The following WWOX variants were observed in gnomAD, a reference collection of about 807,000 sequenced individuals.
The protein encoded by WWOX is WW domain-containing oxidoreductase.
WWOX carries 69 observed loss-of-function variants against 46.2 expected under a neutral mutation model. The ratio of observed to expected loss-of-function variants is 1.49; its 90% confidence interval spans 1.23 to 1.82. The LOEUF (loss-of-function observed/expected upper bound fraction) is 1.82. Ranked by LOEUF, WWOX falls within the 40% of genes most tolerant of loss-of-function variation. The pLI is 0.00. For synonymous variants in WWOX, 359 were observed against 202.6 expected, an observed-to-expected ratio of 1.77 and a Z score of -6.56; for missense variants, 919 against 542.6, an observed-to-expected ratio of 1.69 and a Z score of -6.89.
chr16:78,960,413 T>G (rs1409075602), intron 8 of WWOX, among the ~76,000 whole-genome samples: 2 of 152,224 alleles, frequency 1.3e-5, no homozygotes, highest in African/African-American at 4.8e-5. Context: ...AGACTTGCTC[T>G]CTACCATCCT....
At chr16:79,020,874 G>C (rs1393716390) in intron 8 of WWOX, among the ~76,000 whole-genome samples, 1 of 152,128 alleles carries the variant, frequency 6.6e-6, no homozygotes. Flanking sequence ...TAAAAAGCAG[G>C]CAGCCTGCTG....
At chr16:78,302,664 C>G (rs1305382090) in intron 5 of WWOX, among the ~76,000 whole-genome samples, 11 of 152,184 alleles carry the variant, frequency 7.2e-5, no homozygotes. Flanking sequence ...CATGTGGTCT[C>G]TACTTTGCCA....
intron 5 of WWOX, among the ~76,000 whole-genome samples, chr16:78,203,787 C>G (rs2036307568): frequency 1.3e-5 from 2 of 152,198 alleles, no homozygotes; most frequent in South Asian, 4.1e-4. Flanking sequence ...AGTTATTTTC[C>G]TCACTGGTGT....
chr16:78,154,056 C>T (rs1264299283), intron 4 of WWOX, among the ~76,000 whole-genome samples: 1 of 152,176 alleles, frequency 6.6e-6, no homozygotes, highest in African/African-American at 2.4e-5. Context: ...ATGCTCTCCA[C>T]CACCATGCCC....
At chr16:78,400,577 T>C (rs553203664) in intron 6 of WWOX, among the ~76,000 whole-genome samples, 1 of 152,138 alleles carries the variant, frequency 6.6e-6, no homozygotes, top group African/African-American at 2.4e-5. Context: ...ATTTCCCAAC[T>C]TGGCCCATGA....
intron 8 of WWOX, among the ~76,000 whole-genome samples, chr16:79,073,328 C>T (rs958243592): frequency 6.6e-6 from 1 of 151,894 alleles, no homozygotes; most frequent in Non-Finnish European, 1.5e-5. Context: ...TACAGGTGCA[C>T]GCCGCCATGC....
intron 8 of WWOX, among the ~76,000 whole-genome samples, chr16:78,798,631 A>T (rs55878153): frequency 0.22 from 33,013 of 149,460 alleles, 4,013 homozygotes; most frequent in East Asian, 0.33. Flanking sequence ...TGATCTTTCC[A>T]TATAGGTTTT....
At chr16:78,592,282 C>A (rs1369641153) in intron 8 of WWOX, among the ~76,000 whole-genome samples, 1 of 152,170 alleles carries the variant, frequency 6.6e-6, no homozygotes, top group Non-Finnish European at 1.5e-5. Context: ...CTAAATAGGA[C>A]ATATGTGTCT....
intron 8 of WWOX, among the ~76,000 whole-genome samples, chr16:78,919,355 T>C (rs902057973): frequency 2.6e-5 from 4 of 151,874 alleles, no homozygotes; most frequent in Admixed American, 6.6e-5. Flanking sequence ...ATTCTAGAAT[T>C]TGCATCCAGG....
intron 8 of WWOX, among the ~76,000 whole-genome samples, chr16:79,138,988 C>T (rs968976076): frequency 1.3e-5 from 2 of 152,148 alleles, no homozygotes; most frequent in Admixed American, 6.6e-5. Flanking sequence ...ATATAACTCC[C>T]TTTAGTATTG....
intron 8 of WWOX, among the ~76,000 whole-genome samples, chr16:78,436,051 A>G (rs1364625300): frequency 2.0e-5 from 3 of 152,174 alleles, no homozygotes; most frequent in Non-Finnish European, 2.9e-5. Context: ...ACGTGTGCCA[A>G]GTGGCTGCCA....
intron 8 of WWOX, among the ~76,000 whole-genome samples, chr16:79,108,712 G>A (rs181402691): frequency 5.9e-5 from 9 of 152,082 alleles, no homozygotes; most frequent in African/African-American, 1.9e-4. Flanking sequence ...GACCAGCCCG[G>A]GCAACACAGT....
At chr16:78,973,294 G>T (rs2046507927) in intron 8 of WWOX, among the ~76,000 whole-genome samples, 2 of 152,136 alleles carry the variant, frequency 1.3e-5, no homozygotes, top group Admixed American at 6.5e-5. Context: ...TGTCATCCTG[G>T]CGTTTGGGTA....
chr16:78,405,898 T>C (rs1363393633), intron 6 of WWOX, among the ~76,000 whole-genome samples: 1 of 152,154 alleles, frequency 6.6e-6, no homozygotes, highest in Non-Finnish European at 1.5e-5. Flanking sequence ...GAGTTTTCCC[T>C]GTCACGCCAT....
At chr16:78,180,191 C>T (rs998786906) in intron 5 of WWOX, among the ~76,000 whole-genome samples, 1 of 152,204 alleles carries the variant, frequency 6.6e-6, no homozygotes, top group Non-Finnish European at 1.5e-5. Context: ...AATGACCCAT[C>T]CTGATTTGGA....
At chr16:78,920,272 A>G (rs1257277956) in intron 8 of WWOX, among the ~76,000 whole-genome samples, 2 of 152,208 alleles carry the variant, frequency 1.3e-5, no homozygotes, top group Non-Finnish European at 1.5e-5. Flanking sequence ...CACTGGCCAA[A>G]CACAGTGACC....
At chr16:78,316,295 C>G (rs1370427218) in intron 5 of WWOX, among the ~76,000 whole-genome samples, 2 of 152,148 alleles carry the variant, frequency 1.3e-5, no homozygotes, top group Non-Finnish European at 2.9e-5. Flanking sequence ...GAATATTGTT[C>G]TGTTGTGTAC....
At chr16:78,473,001 G>C (rs761359238) in intron 8 of WWOX, among the ~76,000 whole-genome samples, 16 of 152,078 alleles carry the variant, frequency 1.1e-4, no homozygotes, top group Non-Finnish European at 2.1e-4. Flanking sequence ...GCCTGCAGGA[G>C]AACATTTTTA....
intron 8 of WWOX, among the ~76,000 whole-genome samples, chr16:78,688,435 A>T (rs1046587120): frequency 6.6e-6 from 1 of 151,492 alleles, no homozygotes; most frequent in Non-Finnish European, 1.5e-5. Context: ...AGTCTCATTC[A>T]CTTCTTTCTA....
Sources: allele counts gnomAD v4.1 joint callset (sites outside exome capture counted in the v4.1 genomes callset), GRCh38; gene constraint gnomAD v4.1.1; transcripts MANE v1.5; gene names NCBI Gene and HGNC (gene_info 2026-07-23, HGNC 2026-07-21).